Variants in FBXL13 observed in about 807,000 individuals in gnomAD.
FBXL13 encodes the protein F-box and leucine rich repeat protein 13.
In FBXL13, 67 loss-of-function variants were observed where a neutral mutation model predicts 83.6. The ratio of observed to expected loss-of-function variants is 0.80; its 90% confidence interval spans 0.66 to 0.98. FBXL13 has a LOEUF of 0.98. Among genes scored for constraint, FBXL13 ranks in the 50% least tolerant of loss-of-function variants. The pLI is 0.00. For missense variants in FBXL13, 822 were observed against 866.5 expected, an observed-to-expected ratio of 0.95 and a Z score of 0.64; for synonymous variants, 272 against 299.5, an observed-to-expected ratio of 0.91 and a Z score of 0.95.
chr7:102,844,659 T>C (rs1038802601), intron 17 of FBXL13, among the ~76,000 whole-genome samples: 3 of 152,212 alleles, frequency 2.0e-5, no homozygotes, highest in Non-Finnish European at 4.4e-5. Flanking sequence ...TGGGTTTTTC[T>C]ATACACTGAC....
At chr7:103,042,946 C>T (rs894244975) in intron 2 of FBXL13, among the ~76,000 whole-genome samples, 1 of 152,144 alleles carries the variant, frequency 6.6e-6, no homozygotes, top group African/African-American at 2.4e-5. Context: ...AAAGCAATGG[C>T]AACAAAAGCC....
intron 11 of FBXL13, among the ~76,000 whole-genome samples, chr7:102,887,887 C>T (rs1482491957): frequency 6.6e-6 from 1 of 152,170 alleles, no homozygotes; most frequent in Non-Finnish European, 1.5e-5. Flanking sequence ...GTGATTATCT[C>T]TGAAGAGTGG....
intron 8 of FBXL13, among the ~76,000 whole-genome samples, chr7:102,954,416 C>T (rs1017612031): frequency 3.9e-5 from 6 of 152,222 alleles, no homozygotes; most frequent in Non-Finnish European, 7.4e-5. Flanking sequence ...AAGAAACAAC[C>T]GGTACCAGCC....
At chr7:102,980,731 C>T (rs1027387351) in intron 6 of FBXL13, among the ~76,000 whole-genome samples, 13 of 151,546 alleles carry the variant, frequency 8.6e-5, no homozygotes, top group Non-Finnish European at 1.5e-4. Context: ...GAGCTGAGAT[C>T]GTGCCACTGC....
At chr7:103,074,504 T>C (rs1202808939) in exon 1 of FBXL13, 3 of 1,173,150 alleles carry the variant, frequency 2.6e-6, no homozygotes, top group South Asian at 3.1e-5. Context: ...CTGTTTTCTC[T>C]CTAATCAGCG....
At chr7:102,919,450 T>G (rs1168720722) in intron 10 of FBXL13, among the ~76,000 whole-genome samples, 3 of 152,140 alleles carry the variant, frequency 2.0e-5, no homozygotes, top group African/African-American at 7.2e-5. Flanking sequence ...CTTCCCTAGC[T>G]GAGAAAAAAT....
At chr7:102,829,735 C>A (rs17136084) in intron 18 of FBXL13, among the ~76,000 whole-genome samples, 1 of 152,072 alleles carries the variant, frequency 6.6e-6, no homozygotes, top group Non-Finnish European at 1.5e-5. Flanking sequence ...AAGGAAAAGC[C>A]GGCCTTTCTG....
chr7:102,835,771 G>A (rs1156834258), intron 17 of FBXL13, among the ~76,000 whole-genome samples: 2 of 149,120 alleles, frequency 1.3e-5, no homozygotes. Flanking sequence ...CACTACGCCC[G>A]GCTAATTTTT....
At chr7:103,029,173 C>T (rs1490927530) in intron 3 of FBXL13, among the ~76,000 whole-genome samples, 178 bp downstream of exon 4, 2 of 151,886 alleles carry the variant, frequency 1.3e-5, no homozygotes, top group African/African-American at 4.8e-5. Flanking sequence ...AAGTAAAATA[C>T]ATATTTTAAC....
At chr7:102,837,999 A>T (rs774842249) in intron 17 of FBXL13, among the ~76,000 whole-genome samples, 14 of 152,258 alleles carry the variant, frequency 9.2e-5, no homozygotes, top group Non-Finnish European at 1.6e-4. Context: ...TCCAAAATGA[A>T]TGAAGAATGC....
At chr7:103,061,024 T>G (rs1274725520) in intron 1 of FBXL13, among the ~76,000 whole-genome samples, 1 of 152,202 alleles carries the variant, frequency 6.6e-6, no homozygotes, top group East Asian at 1.9e-4. Context: ...CTTTTATGTC[T>G]TTTTAACATT....
At chr7:102,973,898 G>C in intron 6 of FBXL13, 1 of 671,712 alleles carries the variant, frequency 1.5e-6, no homozygotes, top group Non-Finnish European at 2.7e-6. Context: ...TGATCATCTG[G>C]TCTTAGGGGG....
intron 11 of FBXL13, among the ~76,000 whole-genome samples, chr7:102,908,400 G>A (rs1469466935): frequency 2.6e-5 from 4 of 152,094 alleles, no homozygotes; most frequent in South Asian, 4.2e-4. Context: ...GTTTCTCCAG[G>A]ATTGCCCCTT....
intron 8 of FBXL13, chr7:102,934,106 T>C (rs1819784200): frequency 6.2e-7 from 1 of 1,614,034 alleles, no homozygotes; most frequent in Admixed American, 1.7e-5. Context: ...TGAGAAATAC[T>C]TAGATTGTCA....
At chr7:102,823,981 G>C (rs569495209) in intron 18 of FBXL13, among the ~76,000 whole-genome samples, 3 of 152,302 alleles carry the variant, frequency 2.0e-5, no homozygotes, top group Admixed American at 2.0e-4. Flanking sequence ...CAGAATTGTA[G>C]AAGAAAGGAA....
rs965934041 is a variant in FBXL13 at position 102,821,934 on chromosome 7, C to T, written c.2018+106G>A. ...AGGCAAAAAATAAAATGAAATGAAA[C>T]TTCCTAACACTGAAAGCTGCTATGT... On this transcript the variant is annotated intron_variant, in intron 19 of 19. Transcript: ENST00000313221. 9 of 1,220,364 alleles carry T rather than the reference C, an allele frequency of 7.4e-6. No individual in the cohort carries two copies. The African/African-American group carries it at 9.1e-5, about 12-fold the overall frequency. 75.6% of individuals were successfully genotyped at this position (1,220,364 alleles called of 1,614,324 possible). A position where few individuals can be genotyped will look rare whatever the true frequency, so the allele number is the denominator to read the frequency against.
At chr7:102,949,758 T>C (rs1823123438) in intron 8 of FBXL13, among the ~76,000 whole-genome samples, 1 of 152,202 alleles carries the variant, frequency 6.6e-6, no homozygotes, top group African/African-American at 2.4e-5. Context: ...TTACAGGCTA[T>C]CTTGACCTCA....
intron 1 of FBXL13, among the ~76,000 whole-genome samples, chr7:103,069,981 A>G (rs1279977099): frequency 6.7e-6 from 1 of 149,912 alleles, no homozygotes; most frequent in African/African-American, 2.5e-5. Flanking sequence ...CGGGAGGCTG[A>G]GGCAGGAGAA....
At chr7:102,946,275 T>C (rs947263290) in intron 8 of FBXL13, among the ~76,000 whole-genome samples, 4 of 152,234 alleles carry the variant, frequency 2.6e-5, no homozygotes, top group South Asian at 2.1e-4. Context: ...AGGTAGGTGA[T>C]ACTGTCTGCC....
Sources: allele counts gnomAD v4.1 joint callset (sites outside exome capture counted in the v4.1 genomes callset), GRCh38; gene constraint gnomAD v4.1.1; transcripts MANE v1.5; gene names NCBI Gene and HGNC (gene_info 2026-07-23, HGNC 2026-07-21).